The following NBDY variants were observed in gnomAD, a reference collection of about 807,000 sequenced individuals.
The protein encoded by NBDY is P-body dissociating protein.
chrX:56,737,181 T>C (rs1411281077), intron 2 of NBDY: 13 of 663,475 alleles, frequency 2.0e-5, no homozygotes, highest in Non-Finnish European at 2.2e-5. Context: ...ATTCTTAAAA[T>C]TGTTTGTTTC....
chrX:56,786,140 G>T (rs919342054), intron 2 of NBDY, among the ~76,000 whole-genome samples: 5 of 110,297 alleles, frequency 4.5e-5, no homozygotes, highest in African/African-American at 1.7e-4. Flanking sequence ...GGTGGGGTAG[G>T]GGGTCCTTCC....
chrX:56,760,712 A>AT (rs1167130113), intron 2 of NBDY, among the ~76,000 whole-genome samples: 2 of 112,030 alleles, frequency 1.8e-5, no homozygotes, highest in Non-Finnish European at 3.8e-5. Flanking sequence ...ACAAAACAAA[A>AT]TAAAAAAAAC....
At position 56,817,333 on chromosome X, in the gene NBDY, T is replaced by A. The variant is rs1449619034; in HGVS notation, c.*180T>A. The A allele has an allele frequency of 8.9e-6, 1 of 111,834 alleles. No homozygotes were observed. Among genetic ancestry groups the A allele is most frequent in the African/African-American group, 3.2e-5 (1 of 30,805 alleles). The allele number at this position is 111,834 out of a possible 1,213,427, so 9.2% of individuals were successfully genotyped here. On this transcript the variant is annotated 3_prime_UTR_variant, in exon 3 of 3. Transcript: ENST00000374922. ...TGTATCTTTCAGTCTTATGATGTAA[T>A]CAGCGCGATTTCACTTCCTGAATTT...
intron 2 of NBDY, among the ~76,000 whole-genome samples, chrX:56,784,339 G>A (rs1332553888): frequency 9.0e-6 from 1 of 111,730 alleles, no homozygotes; most frequent in African/African-American, 3.3e-5. Context: ...GTTGGGATGG[G>A]ACTGGACTGG....
rs1270694752 is a variant in NBDY, at chrX:56,819,144, A to G, written c.*1991A>G. The G allele has an allele frequency of 1.8e-5, 2 of 111,219 alleles. No homozygotes were observed. The highest frequency in any genetic ancestry group is 6.5e-5 in the African/African-American group (2 of 30,599). 9.2% of individuals were successfully genotyped at this position (111,219 alleles called of 1,213,427 possible). On this transcript the variant is annotated 3_prime_UTR_variant, in exon 3 of 3. Transcript: ENST00000374922. Reference sequence around the variant, plus strand: ...TTTGTGACCTTGAATTAAGTATTAGATTTTTAATTCTTACACCAAAGCACA... The same window carrying G: ...TTTGTGACCTTGAATTAAGTATTAGGTTTTTAATTCTTACACCAAAGCACA...
At chrX:56,752,900 C>G (rs1195301857) in intron 2 of NBDY, among the ~76,000 whole-genome samples, 1 of 111,856 alleles carries the variant, frequency 8.9e-6, no homozygotes, top group Non-Finnish European at 1.9e-5. Flanking sequence ...CATGAGCCAC[C>G]GTACCCAGCC....
chrX:56,736,325 C>T (rs1005770885), intron 2 of NBDY, among the ~76,000 whole-genome samples: 4 of 111,994 alleles, frequency 3.6e-5, no homozygotes, highest in East Asian at 2.8e-4. Flanking sequence ...AGTGCAGTGG[C>T]GCAATCTAGG....
chrX:56,755,547 T>C (rs2069606211), intron 2 of NBDY, among the ~76,000 whole-genome samples: 1 of 111,997 alleles, frequency 8.9e-6, no homozygotes. Context: ...AAAATGCTCA[T>C]CATCACTGGC....
intron 1 of NBDY, among the ~76,000 whole-genome samples, chrX:56,730,507 A>G (rs2069452079): frequency 1.4e-5 from 1 of 73,402 alleles, no homozygotes; most frequent in Non-Finnish European, 2.5e-5. Context: ...GCAAAAAACT[A>G]CGTCTCAAAA....
intron 2 of NBDY, among the ~76,000 whole-genome samples, chrX:56,799,449 C>A (rs1168482636): frequency 1.8e-5 from 2 of 113,363 alleles, no homozygotes. Context: ...GGTCTTGGGG[C>A]TGCCAGACTG....
chrX:56,813,802 A>C (rs2069898198), intron 2 of NBDY, among the ~76,000 whole-genome samples: 1 of 111,266 alleles, frequency 9.0e-6, no homozygotes, highest in Non-Finnish European at 1.9e-5. Flanking sequence ...AGTTGGTGTG[A>C]AACTGGAGCT....
chrX:56,731,509 T>G (rs1051913110), intron 1 of NBDY, among the ~76,000 whole-genome samples: 2 of 109,640 alleles, frequency 1.8e-5, no homozygotes, highest in African/African-American at 3.3e-5. Context: ...AGGCAGAGAT[T>G]GCAGTGAGCC....
chrX:56,752,325 A>G (rs2069589735), intron 2 of NBDY, among the ~76,000 whole-genome samples: 1 of 112,167 alleles, frequency 8.9e-6, no homozygotes, highest in Admixed American at 9.4e-5. Flanking sequence ...CACACCAGCA[A>G]TGTATACGTG....
chrX:56,734,209 G>T (rs1199330935), intron 2 of NBDY, among the ~76,000 whole-genome samples: 1 of 111,669 alleles, frequency 9.0e-6, no homozygotes, highest in African/African-American at 3.3e-5. Flanking sequence ...CTCAGTGCAG[G>T]AATGTTATCA....
intron 2 of NBDY, among the ~76,000 whole-genome samples, chrX:56,740,753 A>G (rs1402689789): frequency 9.0e-6 from 1 of 110,849 alleles, no homozygotes; most frequent in African/African-American, 3.3e-5. Context: ...CTGGGTACCT[A>G]GTAGTTGTAT....
intron 2 of NBDY, among the ~76,000 whole-genome samples, chrX:56,765,215 G>A (rs1447522379): frequency 8.9e-6 from 1 of 112,058 alleles, no homozygotes; most frequent in South Asian, 3.7e-4. Flanking sequence ...AGGAGAAATT[G>A]GCGTTTCCCT....
rs2069922009 is a variant in NBDY at position 56,818,804 on chromosome X, A to G, written c.*1651A>G. ...AAAACTTATTACAAAGCTACAATAA[A>G]CAAGTCTATGTGGTACTGGCATAGG... On this transcript the variant is annotated 3_prime_UTR_variant, in exon 3 of 3. Coordinates refer to ENST00000374922, the MANE Select transcript of NBDY (RefSeq NM_001348129.2). The G allele has an allele frequency of 2.7e-5, 3 of 111,585 alleles. No individual in the cohort carries two copies. Among genetic ancestry groups the G allele is most frequent in the Non-Finnish European group, 3.8e-5 (2 of 53,096 alleles). The allele number at this position is 111,585 out of a possible 1,213,427, so 9.2% of individuals were successfully genotyped here.
chrX:56,783,126 T>G (rs959131397), intron 2 of NBDY, among the ~76,000 whole-genome samples: 1 of 112,752 alleles, frequency 8.9e-6, no homozygotes, highest in Non-Finnish European at 1.9e-5. Flanking sequence ...CTGTAAATGG[T>G]GGCGTGTGGC....
At chrX:56,793,789 G>C (rs1162145250) in intron 2 of NBDY, among the ~76,000 whole-genome samples, 1 of 110,826 alleles carries the variant, frequency 9.0e-6, no homozygotes, top group East Asian at 2.9e-4. Flanking sequence ...GGAAAGGGCA[G>C]TCAGGCCGGC....
Sources: gnomAD v4.1 joint callset for allele counts (sites outside exome capture counted in the v4.1 genomes callset) on GRCh38, gnomAD v4.1.1 for gene constraint, MANE v1.5 for transcripts, NCBI Gene and HGNC (gene_info 2026-07-23, HGNC 2026-07-21) for gene names.